Variants in OSBPL8 observed in about 807,000 individuals in gnomAD.
OSBPL8 encodes the protein oxysterol binding protein like 8.
In OSBPL8, 59 loss-of-function variants were observed where a neutral mutation model predicts 125.5. The observed-to-expected ratio is 0.47, with a 90% CI of 0.38 to 0.58. OSBPL8 has a LOEUF of 0.58. Ranked by LOEUF, OSBPL8 falls within the 20% of genes least tolerant of loss-of-function variation. The pLI is 0.00. For missense variants in OSBPL8, 758 were observed against 1,047.8 expected (o/e 0.72, Z 3.82); for synonymous variants, 330 against 338.9 (o/e 0.97, Z 0.29).
intron 9 of OSBPL8, among the ~76,000 whole-genome samples, chr12:76,393,084 T>C (rs1320507618): frequency 2.0e-5 from 3 of 152,176 alleles, no homozygotes; most frequent in Non-Finnish European, 1.5e-5. Context: ...CACTTGAGGA[T>C]TTATGATTCT....
In OSBPL8 at chr12:76,472,621, G is replaced by A. The variant is rs537709801; in HGVS notation, c.43-12726C>T. Among the ~76,000 whole-genome samples, 391 of 152,346 alleles carry A rather than the reference G, an allele frequency of 2.6e-3. 2 individuals carry two copies. The highest frequency in any genetic ancestry group is 4.1e-3 in the Non-Finnish European group (276 of 68,024). ...TGATAGGTAAGGTCACGTGGGTCACGTGTCCACTGGACAGGGGGCCCTTCC... is the reference window on the plus strand; with the variant it reads ...TGATAGGTAAGGTCACGTGGGTCACATGTCCACTGGACAGGGGGCCCTTCC... On this transcript the variant is annotated intron_variant, in intron 2 of 23. Coordinates refer to ENST00000261183, the MANE Select transcript of OSBPL8 (RefSeq NM_020841.5).
In OSBPL8 at chr12:76,498,318, T is replaced by A. The variant is rs544908637; in HGVS notation, c.-67-10700A>T. ...CTGGTCCTTTTTCTAGCCAATATTT[T>A]AAAAAATCAAAAACTGTACATAACA... On this transcript the variant is annotated intron_variant, in intron 1 of 23. Transcript: ENST00000261183. Among the ~76,000 whole-genome samples, 6 of 152,326 alleles carry A rather than the reference T, an allele frequency of 3.9e-5. No individual in the cohort carries two copies. In the South Asian group the frequency reaches 1.0e-3, roughly 26 times the overall value.
intron 2 of OSBPL8, among the ~76,000 whole-genome samples, chr12:76,476,992 G>A (rs1399206446): frequency 6.6e-6 from 1 of 152,138 alleles, no homozygotes; most frequent in Non-Finnish European, 1.5e-5. Flanking sequence ...GAAAGGTAGA[G>A]GTCCTGTCTC....
chr12:76,461,100 A>G (rs1178789925), intron 2 of OSBPL8, among the ~76,000 whole-genome samples: 1 of 152,192 alleles, frequency 6.6e-6, no homozygotes, highest in Non-Finnish European at 1.5e-5. Context: ...TAAAGTTGGC[A>G]AAGTTATATT....
chr12:76,436,176 T>C (rs1871419530), intron 4 of OSBPL8, among the ~76,000 whole-genome samples: 1 of 152,138 alleles, frequency 6.6e-6, no homozygotes, highest in Non-Finnish European at 1.5e-5. Flanking sequence ...AATGCTTGCA[T>C]CTTTTTACTT....
At chr12:76,533,018 TATTTAACAC>T (rs1268761065) in intron 1 of OSBPL8, among the ~76,000 whole-genome samples, 1 of 152,214 alleles carries the variant, frequency 6.6e-6, no homozygotes, top group Non-Finnish European at 1.5e-5. Flanking sequence ...ATATAGGTAC[TATTTAACAC>T]ATTTGTAACC....
chr12:76,384,227 G>T lies in OSBPL8; in HGVS notation c.1630+27C>A, dbSNP rs371874987. 43 of 1,321,794 alleles carry T rather than the reference G, an allele frequency of 3.3e-5. No homozygotes were observed. The East Asian group carries it at 5.3e-4, about 16-fold the overall frequency. The allele number at this position is 1,321,794 out of a possible 1,614,324, so 81.9% of individuals were successfully genotyped here. A position where few individuals can be genotyped will look rare whatever the true frequency, so the allele number is the denominator to read the frequency against. ...CAGAAAATAATACCTCCCAGGAGAG[G>T]GTGCAAGTTGGGACGGGAAAACTCA... On this transcript the variant is annotated intron_variant, in intron 15 of 23. Coordinates refer to ENST00000261183, the MANE Select transcript of OSBPL8 (RefSeq NM_020841.5).
intron 1 of OSBPL8, among the ~76,000 whole-genome samples, chr12:76,524,881 G>A (rs566575280): frequency 8.6e-5 from 13 of 151,994 alleles, no homozygotes; most frequent in African/African-American, 3.1e-4. Flanking sequence ...ACGGGGTATC[G>A]TCATGTTGGC....
intron 3 of OSBPL8, among the ~76,000 whole-genome samples, chr12:76,451,303 A>G (rs746324664): frequency 1.3e-5 from 2 of 151,856 alleles, no homozygotes; most frequent in Non-Finnish European, 2.9e-5. Flanking sequence ...TATTCTTTAT[A>G]TTTACCAACA....
chr12:76,384,217 C>T, intron 15 of OSBPL8, 37 bp downstream of exon 15: 6 of 1,268,152 alleles, frequency 4.7e-6, no homozygotes, highest in Non-Finnish European at 5.5e-6. Flanking sequence ...AATAATACCT[C>T]CCAGGAGAGG....
intron 4 of OSBPL8, among the ~76,000 whole-genome samples, chr12:76,420,411 GAGAT>G (rs1255325568): frequency 1.3e-5 from 2 of 152,048 alleles, no homozygotes; most frequent in East Asian, 3.8e-4. Context: ...CTGAGATCAA[GAGAT>G]AGATAATCAG....
At chr12:76,447,501 C>A (rs962722899) in intron 4 of OSBPL8, among the ~76,000 whole-genome samples, 2 of 151,808 alleles carry the variant, frequency 1.3e-5, no homozygotes, top group Non-Finnish European at 2.9e-5. Flanking sequence ...TGTAATCAAA[C>A]AATCTAAAAA....
chr12:76,355,672 TG>T lies in OSBPL8; in HGVS notation c.*216del. 2.1e-6 allele frequency: 1 copy of T among 485,266 alleles called. No individual in the cohort carries two copies. The highest frequency in any genetic ancestry group is 3.6e-6 in the Non-Finnish European group (1 of 278,296). 30.1% of individuals were successfully genotyped at this position (485,266 alleles called of 1,614,324 possible). ...ATTCTCACAAAAGCTAGAAATGTCCTGGCACTTAACACATAGCTCACTTTAA... is the reference window on the plus strand; with the variant it reads ...ATTCTCACAAAAGCTAGAAATGTCCTGCACTTAACACATAGCTCACTTTAA... On this transcript the variant is annotated 3_prime_UTR_variant, in exon 24 of 24. Coordinates refer to ENST00000261183, the MANE Select transcript of OSBPL8 (RefSeq NM_020841.5).
Position 76,371,456 on chromosome 12 carries a change from T to C in OSBPL8, c.2046A>G (p.Glu682=). ...TAAAACAGTATACTTACTTCTCTGA[T>C]TCAAAATCTCCCTGTTCTTCAAATT... is the stretch of plus-strand genomic sequence containing the variant. ...TVKFEEQGDF[E]SEKLWQRVTR... Residue 682 remains glutamate (E), a synonymous_variant, in exon 19 of 24, where the codon GAA becomes GAG. Coordinates refer to ENST00000261183, the MANE Select transcript of OSBPL8 (RefSeq NM_020841.5). The C allele has an allele frequency of 1.2e-6, 2 of 1,604,598 alleles. No individual in the cohort carries two copies. Among genetic ancestry groups the C allele is most frequent in the Non-Finnish European group, 1.7e-6 (2 of 1,175,440 alleles).
rs148740287 is a variant in OSBPL8, at chr12:76,369,597, C to T, written c.2240+40G>A. 799 of 1,557,172 alleles carry T rather than the reference C, an allele frequency of 5.1e-4. 10 individuals carry two copies. In the East Asian group the frequency reaches 0.017, roughly 32 times the overall value. On this transcript the variant is annotated intron_variant, in intron 20 of 23. Coordinates refer to ENST00000261183, the MANE Select transcript of OSBPL8 (RefSeq NM_020841.5). The stretch of plus-strand genomic sequence containing the variant: ...CTAGAAATAAAGGCAACAAACCATG[C>T]TAATACATTGTTTGAAATAAACTAT...
chr12:76,446,899 C>T (rs1298418401), intron 4 of OSBPL8, among the ~76,000 whole-genome samples: 1 of 152,062 alleles, frequency 6.6e-6, no homozygotes, highest in Non-Finnish European at 1.5e-5. Flanking sequence ...AAGAATTTGT[C>T]ACCACTGGAA....
chr12:76,459,684 T>C (rs1240554385), intron 3 of OSBPL8, among the ~76,000 whole-genome samples, 175 bp downstream of exon 3: 1 of 152,182 alleles, frequency 6.6e-6, no homozygotes. Context: ...TGAGAACAGA[T>C]GGGGCACTGG....
intron 1 of OSBPL8, among the ~76,000 whole-genome samples, chr12:76,546,587 T>G (rs1237158141): frequency 6.6e-6 from 1 of 152,078 alleles, no homozygotes; most frequent in African/African-American, 2.4e-5. Context: ...AGATTCTATT[T>G]AAAATTTCAG....
At chr12:76,421,795 C>T (rs957877154) in intron 4 of OSBPL8, among the ~76,000 whole-genome samples, 5 of 151,826 alleles carry the variant, frequency 3.3e-5, no homozygotes, top group African/African-American at 1.2e-4. Context: ...CAAATATTTG[C>T]TACAATTTCA....
Sources: allele counts gnomAD v4.1 joint callset (sites outside exome capture counted in the v4.1 genomes callset), GRCh38; gene constraint gnomAD v4.1.1; transcripts MANE v1.5; gene names NCBI Gene and HGNC (gene_info 2026-07-23, HGNC 2026-07-21).